HNF4G: variants seen among roughly 807,000 people sequenced by gnomAD.
HNF4G encodes hepatocyte nuclear factor 4-gamma.
Under a neutral mutation model 50.9 loss-of-function variants are expected in HNF4G, and 21 were observed. That is an observed-to-expected ratio of 0.41 (90% CI 0.29 to 0.59). HNF4G has a LOEUF of 0.59. Among genes scored for constraint, HNF4G ranks in the 20% least tolerant of loss-of-function variants. The probability of loss-of-function intolerance (pLI) is 0.26; values close to 1 mark genes in which losing one functional copy is unlikely to be tolerated. For missense variants in HNF4G, 527 were observed against 559.4 expected (o/e 0.94, Z 0.58); for synonymous variants, 198 against 185.6 (o/e 1.07, Z -0.54).
At chr8:75,438,862 T>C (rs1811204339) in intron 1 of HNF4G, among the ~76,000 whole-genome samples, 1 of 152,120 alleles carries the variant, frequency 6.6e-6, no homozygotes, top group East Asian at 1.9e-4. Context: ...TTTTGCTTTT[T>C]TCTTTCACGA....
chr8:75,527,724 C>G (rs879399881), intron 2 of HNF4G, among the ~76,000 whole-genome samples: 5 of 152,150 alleles, frequency 3.3e-5, no homozygotes, highest in Non-Finnish European at 7.4e-5. Flanking sequence ...CACCATTTAG[C>G]TGTTTTGATA....
upstream of HNF4G, among the ~76,000 whole-genome samples, chr8:75,537,072 A>G (rs1293576460): frequency 6.6e-6 from 1 of 152,094 alleles, no homozygotes; most frequent in Non-Finnish European, 1.5e-5. Context: ...GATCATACTA[A>G]TTAGTTTTCA....
intron 2 of HNF4G, among the ~76,000 whole-genome samples, chr8:75,508,754 G>C (rs1805670563): frequency 6.6e-6 from 1 of 152,128 alleles, no homozygotes; most frequent in South Asian, 2.1e-4. Context: ...CATGAGCTGA[G>C]AAGTTCATTA....
At chr8:75,466,885 C>T (rs6472911) in intron 1 of HNF4G, among the ~76,000 whole-genome samples, 79,661 of 151,584 alleles carry the variant, frequency 0.53, 23,259 homozygotes, top group African/African-American at 0.79. Flanking sequence ...GGTTTTGCCA[C>T]GTGGCCCATT....
intron 1 of HNF4G, among the ~76,000 whole-genome samples, chr8:75,435,707 ACT>A (rs1811119053): frequency 6.6e-6 from 1 of 151,982 alleles, no homozygotes; most frequent in South Asian, 2.1e-4. Flanking sequence ...AATTCTCCTG[ACT>A]CAGCCTCCCA....
intron 1 of HNF4G, among the ~76,000 whole-genome samples, chr8:75,452,714 G>A (rs541664762): frequency 1.1e-4 from 17 of 149,616 alleles, no homozygotes; most frequent in Non-Finnish European, 2.4e-4. Flanking sequence ...GTGAGACTCC[G>A]TCTCAAAAAA....
At chr8:75,552,947 T>G (rs765791236) in intron 4 of HNF4G, 95 bp from the exon 5 acceptor site, 2 of 770,028 alleles carry the variant, frequency 2.6e-6, no homozygotes, top group Non-Finnish European at 4.2e-6. Context: ...AGTGCCTACT[T>G]CTATGGCCTT....
At chr8:75,513,023 T>G (rs750419900) in intron 2 of HNF4G, among the ~76,000 whole-genome samples, 6 of 152,282 alleles carry the variant, frequency 3.9e-5, no homozygotes, top group Admixed American at 6.5e-5. Flanking sequence ...TAGATTTTAA[T>G]GAACTGATAG....
At chr8:75,480,763 TGCA>T (rs1812358761) in intron 1 of HNF4G, among the ~76,000 whole-genome samples, 3 of 145,756 alleles carry the variant, frequency 2.1e-5, no homozygotes, top group Admixed American at 7.1e-5. Context: ...CAGGCTGGAA[TGCA>T]GTGGCGTGAT....
intron 3 of HNF4G, among the ~76,000 whole-genome samples, chr8:75,550,874 C>T (rs1403529003): frequency 6.6e-6 from 1 of 152,080 alleles, no homozygotes; most frequent in East Asian, 1.9e-4. Context: ...TAAACTGTCC[C>T]ATGGACAGTG....
intron 1 of HNF4G, among the ~76,000 whole-genome samples, chr8:75,440,623 G>A (rs1811256313): frequency 6.6e-6 from 1 of 151,956 alleles, no homozygotes; most frequent in Non-Finnish European, 1.5e-5. Context: ...TTCTGAAAAG[G>A]TATACCTTGT....
intron 2 of HNF4G, among the ~76,000 whole-genome samples, chr8:75,498,426 C>T (rs924247863): frequency 4.6e-5 from 7 of 151,820 alleles, no homozygotes; most frequent in East Asian, 1.9e-4. Context: ...AAAACATTCC[C>T]GCAAAACAAG....
chr8:75,482,560 G>A (rs1812405494), intron 1 of HNF4G, among the ~76,000 whole-genome samples: 2 of 152,112 alleles, frequency 1.3e-5, no homozygotes, highest in Admixed American at 1.3e-4. Flanking sequence ...TAGAGATGGG[G>A]TTTCACCATG....
chr8:75,486,161 C>T (rs1361485594), intron 1 of HNF4G, among the ~76,000 whole-genome samples: 1 of 152,166 alleles, frequency 6.6e-6, no homozygotes, highest in Non-Finnish European at 1.5e-5. Context: ...TAATTTCTAG[C>T]TCTTCTTTCT....
rs779544230 is a variant in HNF4G, at chr8:75,551,490, G to A, written c.485G>A (p.Arg162His). The part of the protein sequence containing the change: ...NTLAQAEVRS[R>H]QISVSSPGSS... ...CTGGCACAAGCTGAAGTTCGGTCTCGCCAGGTACCTGTGGCACGGCAGCAT... is the reference window on the plus strand; with the variant it reads ...CTGGCACAAGCTGAAGTTCGGTCTCACCAGGTACCTGTGGCACGGCAGCAT... Residue 162 changes from arginine to histidine, a missense_variant, in exon 4 of 10, where the codon CGC becomes CAC. By Grantham distance (29) the Arg-to-His change is conservative. Coordinates refer to ENST00000396423, the MANE Select transcript of HNF4G (RefSeq NM_004133.5). The A allele has an allele frequency of 5.1e-5, 81 of 1,585,916 alleles. No homozygotes were observed. The highest frequency in any genetic ancestry group is 4.2e-4 in the South Asian group (38 of 90,514).
chr8:75,417,772 G>A (rs41425449), intron 1 of HNF4G, among the ~76,000 whole-genome samples: 2,013 of 152,240 alleles, frequency 0.013, 41 homozygotes, highest in African/African-American at 0.046. Context: ...CTTCTGAGAC[G>A]TGTTAGAATA....
intron 2 of HNF4G, among the ~76,000 whole-genome samples, chr8:75,496,351 A>G (rs543595998): frequency 6.6e-6 from 1 of 151,948 alleles, no homozygotes; most frequent in East Asian, 1.9e-4. Context: ...CTTCCTGAAT[A>G]TATCTTAATA....
chr8:75,434,077 C>T lies in HNF4G; in HGVS notation c.-144+25915C>T, dbSNP rs367749499. On this transcript the variant is annotated intron_variant, in intron 1 of 10. Coordinates refer to the HNF4G transcript ENST00000354370. ...AGAGTGCAGTGGTGTGATCTCGGCT[C>T]ACTACAACCTCCGCTTCCCAGGTTC... Among the ~76,000 whole-genome samples the T allele has an allele frequency of 2.8e-5, 4 of 143,456 alleles. No individual in the cohort carries two copies. In the East Asian group the frequency reaches 8.4e-4, roughly 30 times the overall value. 94.1% of individuals were successfully genotyped at this position (143,456 alleles called of 152,430 possible). A position where few individuals can be genotyped will look rare whatever the true frequency, so the allele number is the denominator to read the frequency against.
upstream of HNF4G, among the ~76,000 whole-genome samples, chr8:75,537,366 C>A (rs1165194562): frequency 6.6e-6 from 1 of 152,082 alleles, no homozygotes; most frequent in African/African-American, 2.4e-5. Context: ...GCCTCAGCCT[C>A]CTGAGTAGTT....
Sources: allele counts gnomAD v4.1 joint callset (sites outside exome capture counted in the v4.1 genomes callset), GRCh38; gene constraint gnomAD v4.1.1; transcripts MANE v1.5; gene names NCBI Gene and HGNC (gene_info 2026-07-23, HGNC 2026-07-21).